The following PTPRG variants were observed in gnomAD, a reference collection of about 807,000 sequenced individuals.
PTPRG encodes the protein protein tyrosine phosphatase receptor type G.
Under a neutral mutation model 165.3 loss-of-function variants are expected in PTPRG, and 102 were observed. The observed-to-expected ratio is 0.62, with a 90% CI of 0.53 to 0.73. The LOEUF (loss-of-function observed/expected upper bound fraction) is 0.73, where lower values mean the gene tolerates loss of function less well. Ranked by LOEUF, PTPRG falls within the 30% of genes least tolerant of loss-of-function variation. The pLI is 0.00. For synonymous variants in PTPRG, 675 were observed against 669.5 expected (o/e 1.01, Z -0.13); for missense variants, 1,866 against 1,861.4 (o/e 1.00, Z -0.05).
intron 15 of PTPRG, among the ~76,000 whole-genome samples, chr3:62,251,862 G>A (rs1323070569): frequency 2.6e-5 from 4 of 151,926 alleles, no homozygotes; most frequent in Non-Finnish European, 5.9e-5. Context: ...AAGTTGCCTC[G>A]GTTTCCTTAT....
intron 2 of PTPRG, among the ~76,000 whole-genome samples, chr3:61,884,421 A>T (rs7624523): frequency 0.12 from 18,499 of 152,238 alleles, 1,969 homozygotes; most frequent in African/African-American, 0.28. Context: ...AGTTATATAA[A>T]CAAACAAATG....
At chr3:61,590,251 G>A (rs1244879006) in intron 1 of PTPRG, among the ~76,000 whole-genome samples, 1 of 151,866 alleles carries the variant, frequency 6.6e-6, no homozygotes, top group African/African-American at 2.4e-5. Flanking sequence ...GCTGGGTGCG[G>A]TGGCTCACGC....
In PTPRG at chr3:62,222,201, A is replaced by G. The variant is rs1300767801; in HGVS notation, c.2288+3218A>G. Among the ~76,000 whole-genome samples the G allele has an allele frequency of 2.6e-5, 4 of 152,188 alleles. No homozygotes were observed. The highest frequency in any genetic ancestry group is 2.6e-4 in the Admixed American group (4 of 15,274). On this transcript the variant is annotated intron_variant, in intron 13 of 29. Transcript: ENST00000474889. This position sits in a 1 kb window ranked among gnomAD's most constrained non-coding sequence, Gnocchi z 4.5. ...TCCATTTCAAAATGCCTTAAAGCTC[A>G]AGGGGAAAAAAAAAAGTTTGATTCA...
At chr3:61,917,891 C>T (rs915719532) in intron 2 of PTPRG, among the ~76,000 whole-genome samples, 1 of 152,212 alleles carries the variant, frequency 6.6e-6, no homozygotes, top group African/African-American at 2.4e-5. Flanking sequence ...GAGATCACGC[C>T]GCTGCGATCT....
At chr3:61,781,968 C>T (rs978495203) in intron 2 of PTPRG, among the ~76,000 whole-genome samples, 1 of 149,584 alleles carries the variant, frequency 6.7e-6, no homozygotes, top group Non-Finnish European at 1.5e-5. Context: ...TGGGCTCAAG[C>T]AATTCTCTTT....
At chr3:62,088,635 A>G (rs189295940) in intron 5 of PTPRG, among the ~76,000 whole-genome samples, 21 of 152,364 alleles carry the variant, frequency 1.4e-4, no homozygotes, top group African/African-American at 4.8e-4. Context: ...ACAAGCACCA[A>G]TTTAATAGAA....
intron 12 of PTPRG, among the ~76,000 whole-genome samples, chr3:62,207,638 G>A (rs758042266): frequency 1.3e-5 from 2 of 152,198 alleles, no homozygotes; most frequent in African/African-American, 4.8e-5. Context: ...GTGATAATGT[G>A]TAAAGTTACA....
At chr3:62,268,094 G>C (rs920863951) in intron 19 of PTPRG, among the ~76,000 whole-genome samples, 1 of 151,976 alleles carries the variant, frequency 6.6e-6, no homozygotes, top group Non-Finnish European at 1.5e-5. Context: ...ATTTTTTAAA[G>C]GAGCAAATAC....
At chr3:62,290,567 T>A (rs1035694895) in intron 28 of PTPRG, among the ~76,000 whole-genome samples, 2 of 151,602 alleles carry the variant, frequency 1.3e-5, no homozygotes, top group African/African-American at 2.4e-5. Context: ...CGTGGGGAGG[T>A]ACAAAAAATA....
chr3:61,621,051 A>ATATATGTG lies in PTPRG; in HGVS notation c.85+58680_85+58681insATATGTGT. 4.1e-3 allele frequency among the ~76,000 whole-genome samples: 481 copies of ATATATGTG among 117,970 alleles called. 8 individuals carry two copies. The highest frequency in any genetic ancestry group is 0.014 in the African/African-American group (453 of 33,498). The allele number at this position is 117,970 out of a possible 152,430, so 77.4% of individuals were successfully genotyped here. ...TGTGTGTGTATATATATATATATAT[A>ATATATGTG]TGTGTGTGTGTGTGTGTGTGTGTGT... On this transcript the variant is annotated intron_variant, in intron 1 of 29. Coordinates refer to ENST00000474889, the MANE Select transcript of PTPRG (RefSeq NM_002841.4).
At chr3:62,292,318 A>G in intron 28 of PTPRG, 103 bp from the exon 29 acceptor site, 1 of 1,281,434 alleles carries the variant, frequency 7.8e-7, no homozygotes. Flanking sequence ...AAATGTCAAA[A>G]CAGTCTACTT....
chr3:62,267,873 T>C, intron 19 of PTPRG, 54 bp downstream of exon 19: 1 of 1,584,396 alleles, frequency 6.3e-7, no homozygotes, highest in African/African-American at 1.4e-5. Context: ...CAAAAGATAC[T>C]TGTGGAGTAC....
At chr3:61,912,187 A>G (rs1329319301) in intron 2 of PTPRG, among the ~76,000 whole-genome samples, 2 of 152,096 alleles carry the variant, frequency 1.3e-5, no homozygotes, top group South Asian at 4.1e-4. Context: ...GCGCAACAGT[A>G]TAGTCAGCTT....
rs144981599 is a variant in PTPRG at position 62,063,654 on chromosome 3, G to A, written c.520-14509G>A. ...CTGCATAAATCTGAAACAGTACCTC[G>A]ATTTTCATTTTTATTTATTTATATT... On this transcript the variant is annotated intron_variant, in intron 4 of 29. Coordinates refer to ENST00000474889, the MANE Select transcript of PTPRG (RefSeq NM_002841.4). 4.7e-4 allele frequency among the ~76,000 whole-genome samples: 72 copies of A among 152,116 alleles called. No individual in the cohort carries two copies. In the East Asian group the frequency reaches 0.011, roughly 23 times the overall value.
At chr3:61,813,343 A>G (rs1370673761) in intron 2 of PTPRG, among the ~76,000 whole-genome samples, 1 of 150,074 alleles carries the variant, frequency 6.7e-6, no homozygotes, top group Admixed American at 6.6e-5. Flanking sequence ...AAAAAAAAAA[A>G]AAATAGAAAA....
intron 8 of PTPRG, among the ~76,000 whole-genome samples, chr3:62,182,811 C>CA (rs762680808): frequency 2.6e-5 from 4 of 152,130 alleles, no homozygotes; most frequent in Non-Finnish European, 5.9e-5. Context: ...CACCTGCCAC[C>CA]ATGCCCAGCT....
At chr3:61,621,051 A>ATATATATATGTG in intron 1 of PTPRG, among the ~76,000 whole-genome samples, 6 of 117,948 alleles carry the variant, frequency 5.1e-5, no homozygotes, top group African/African-American at 1.5e-4. Flanking sequence ...ATATATATAT[A>ATATATATATGTG]TGTGTGTGTG....
At position 62,170,363 on chromosome 3, in the gene PTPRG, T is replaced by TG. The variant is rs995619529; in HGVS notation, c.1033+2207dup. On this transcript the variant is annotated intron_variant, in intron 8 of 29. Coordinates refer to ENST00000474889, the MANE Select transcript of PTPRG (RefSeq NM_002841.4). The stretch of plus-strand genomic sequence containing the variant: ...AGAGTTATATGCAGAGGATGTGGAT[T>TG]GGGGGGGTGAGGAATTCCTATCACA... Among the ~76,000 whole-genome samples, 87 of 152,078 alleles carry TG rather than the reference T, an allele frequency of 5.7e-4. 1 individual carries two copies. Among genetic ancestry groups the TG allele is most frequent in the Admixed American group, 7.2e-4 (11 of 15,274 alleles).
intron 6 of PTPRG, among the ~76,000 whole-genome samples, chr3:62,143,774 T>G (rs190065438): frequency 2.0e-5 from 3 of 152,308 alleles, no homozygotes; most frequent in Admixed American, 2.0e-4. Context: ...TACTTCAAAG[T>G]TCAGGCTGGC....
Sources: gnomAD v4.1 joint callset for allele counts (sites outside exome capture counted in the v4.1 genomes callset) on GRCh38, gnomAD v4.1.1 for gene constraint, Gnocchi (gnomAD v3.1) non-coding constraint, MANE v1.5 for transcripts, NCBI Gene and HGNC (gene_info 2026-07-23, HGNC 2026-07-21) for gene names.